The following NPFFR2 variants were observed in gnomAD, a reference collection of about 807,000 sequenced individuals.
NPFFR2 encodes the protein G-protein coupled receptor 74.
A neutral mutation model predicts 13.1 loss-of-function variants in NPFFR2; 15 were observed. The ratio of observed to expected loss-of-function variants is 1.15; its 90% CI spans 0.77 to 1.76. NPFFR2 has a LOEUF of 1.76. Among genes scored for constraint, NPFFR2 ranks in the 40% most tolerant of loss-of-function variants. The pLI, the probability that NPFFR2 is intolerant of heterozygous loss-of-function variation, is 0.00. For synonymous variants in NPFFR2, 190 were observed against 175.7 expected, an observed-to-expected ratio of 1.08 and a Z score of -0.65; for missense variants, 572 against 503.5, an observed-to-expected ratio of 1.14 and a Z score of -1.30.
chr4:72,089,077 C>T (rs904127721), intron 1 of NPFFR2, among the ~76,000 whole-genome samples: 5 of 152,026 alleles, frequency 3.3e-5, no homozygotes, highest in Admixed American at 3.3e-4. Context: ...GAGAACATAA[C>T]GATGTTTGGT....
intron 1 of NPFFR2, among the ~76,000 whole-genome samples, chr4:72,079,053 A>AACACACACACACACACACACACACACAC: frequency 7.2e-6 from 1 of 139,216 alleles, no homozygotes; most frequent in South Asian, 2.3e-4. Flanking sequence ...CATAGAACTA[A>AACACACACACACACACACACACACACAC]ACACACACAC....
intron 3 of NPFFR2, among the ~76,000 whole-genome samples, chr4:72,145,326 A>G (rs1026128127): frequency 6.0e-5 from 9 of 149,856 alleles, no homozygotes; most frequent in Middle Eastern, 3.6e-3. Flanking sequence ...ATATAAATAC[A>G]TATATGTACA....
chr4:72,067,517 G>A (rs10027203), intron 1 of NPFFR2, among the ~76,000 whole-genome samples: 136,918 of 152,170 alleles, frequency 0.9, 62,557 homozygotes, highest in Non-Finnish European at 0.98. Context: ...TGGGTATACC[G>A]TTGGTTTTCT....
intron 2 of NPFFR2, among the ~76,000 whole-genome samples, chr4:72,137,744 G>A (rs1212807277): frequency 1.3e-5 from 2 of 152,150 alleles, no homozygotes; most frequent in Non-Finnish European, 2.9e-5. Context: ...TCTATATTGT[G>A]AGGAAAATAA....
chr4:72,086,250 A>G (rs531066169), intron 1 of NPFFR2, among the ~76,000 whole-genome samples: 1 of 152,052 alleles, frequency 6.6e-6, no homozygotes, highest in Non-Finnish European at 1.5e-5. Flanking sequence ...GAAGTCCATA[A>G]AAAAAGGTTT....
At chr4:72,033,231 G>A (rs1037214891) in intron 1 of NPFFR2, among the ~76,000 whole-genome samples, 1 of 152,142 alleles carries the variant, frequency 6.6e-6, no homozygotes, top group Non-Finnish European at 1.5e-5. Context: ...AGTTATGGAT[G>A]AATTTGCAAA....
chr4:72,048,262 G>C (rs1326306279), intron 1 of NPFFR2, among the ~76,000 whole-genome samples: 1 of 152,034 alleles, frequency 6.6e-6, no homozygotes, highest in African/African-American at 2.4e-5. Flanking sequence ...GAGAAGTGAG[G>C]GAGGAGTCAG....
intron 3 of NPFFR2, among the ~76,000 whole-genome samples, chr4:72,138,843 T>C (rs1722504986): frequency 6.6e-6 from 1 of 152,196 alleles, no homozygotes. Context: ...TCACACTGTC[T>C]TCCCCAGTGA....
At chr4:72,033,938 A>AT (rs1177578921) in intron 1 of NPFFR2, among the ~76,000 whole-genome samples, 10 of 151,892 alleles carry the variant, frequency 6.6e-5, no homozygotes, top group Non-Finnish European at 1.2e-4. Flanking sequence ...AGTGAGTGTG[A>AT]TTTTTTATGA....
At chr4:72,120,750 T>G (rs996969271) in intron 1 of NPFFR2, among the ~76,000 whole-genome samples, 1 of 152,070 alleles carries the variant, frequency 6.6e-6, no homozygotes, top group Non-Finnish European at 1.5e-5. Context: ...ACCCCATCCA[T>G]AGGTCACCAA....
At chr4:72,094,625 C>G (rs1440335446) in intron 1 of NPFFR2, among the ~76,000 whole-genome samples, 1 of 152,168 alleles carries the variant, frequency 6.6e-6, no homozygotes, top group Non-Finnish European at 1.5e-5. Context: ...AACCTCAGGC[C>G]TCACCCAGCT....
intron 1 of NPFFR2, among the ~76,000 whole-genome samples, chr4:72,114,910 C>T (rs1022397469): frequency 2.0e-5 from 3 of 152,126 alleles, no homozygotes; most frequent in Non-Finnish European, 4.4e-5. Context: ...GTGCCAGTTA[C>T]TTGCTTTTTC....
At chr4:72,032,828 G>C (rs1718960540) in intron 1 of NPFFR2, among the ~76,000 whole-genome samples, 1 of 151,990 alleles carries the variant, frequency 6.6e-6, no homozygotes, top group African/African-American at 2.4e-5. Context: ...CTGGAGGAGA[G>C]GAAAATGATC....
At chr4:72,129,194 G>A (rs1722160947) in intron 2 of NPFFR2, among the ~76,000 whole-genome samples, 1 of 152,150 alleles carries the variant, frequency 6.6e-6, no homozygotes, top group Non-Finnish European at 1.5e-5. Context: ...AGTATTCACT[G>A]GAGGTCATGA....
In NPFFR2 at chr4:72,052,128, C is replaced by T. The variant is rs1236855233; in HGVS notation, c.-8+19928C>T. ...CCAATCAATAGAAAAAGAGAGAATC[C>T]TCCCTAACTCATTTTATGAGGCCAG... On this transcript the variant is annotated intron_variant, in intron 1 of 3. Transcript: ENST00000308744. Among the ~76,000 whole-genome samples the T allele has an allele frequency of 1.3e-4, 5 of 38,790 alleles. 1 individual carries two copies. The highest frequency in any genetic ancestry group is 2.7e-4 in the African/African-American group (5 of 18,710). The allele number at this position is 38,790 out of a possible 152,430, so 25.4% of individuals were successfully genotyped here.
At chr4:72,042,979 G>A (rs772933030) in intron 1 of NPFFR2, among the ~76,000 whole-genome samples, 1 of 152,194 alleles carries the variant, frequency 6.6e-6, no homozygotes, top group African/African-American at 2.4e-5. Context: ...CAGGCCCAGA[G>A]GCCTAGGAGG....
At chr4:72,054,928 T>C (rs1719697852) in intron 1 of NPFFR2, among the ~76,000 whole-genome samples, 1 of 151,858 alleles carries the variant, frequency 6.6e-6, no homozygotes. Flanking sequence ...AAGGGTGATA[T>C]CATCCCCAAG....
Position 72,041,991 on chromosome 4 carries a change from T to G in NPFFR2, c.-8+9791T>G, listed in dbSNP as rs190846349. On this transcript the variant is annotated intron_variant, in intron 1 of 3. Transcript: ENST00000308744. ...CTGTGCAGAAGCTCTTTAGTTTAAC[T>G]AGAGTCTCACTTGTCAATTTTTGTT... is the stretch of plus-strand genomic sequence containing the variant. Among the ~76,000 whole-genome samples, 3 of 152,342 alleles carry G rather than the reference T, an allele frequency of 2.0e-5. No individual in the cohort carries two copies. In the East Asian group the frequency reaches 5.8e-4, roughly 29 times the overall value.
chr4:72,135,936 T>TATCTGCCATTA (rs1722395940), intron 2 of NPFFR2, among the ~76,000 whole-genome samples: 2 of 152,178 alleles, frequency 1.3e-5, no homozygotes, highest in Non-Finnish European at 2.9e-5. Flanking sequence ...TTAGGGCATT[T>TATCTGCCATTA]GGGATATCCA....
Sources: gnomAD v4.1 joint callset for allele counts (sites outside exome capture counted in the v4.1 genomes callset) on GRCh38, gnomAD v4.1.1 for gene constraint, MANE v1.5 for transcripts, NCBI Gene and HGNC (gene_info 2026-07-23, HGNC 2026-07-21) for gene names.